Variants in NBAS observed in about 807,000 individuals in gnomAD.
NBAS encodes the protein NBAS subunit of NRZ tethering complex.
A neutral mutation model predicts 302.5 loss-of-function variants in NBAS; 219 were observed. The observed-to-expected ratio is 0.72, with a 90% confidence interval of 0.65 to 0.81. The LOEUF is 0.81. NBAS is among the 30% of genes least tolerant of loss of function. The pLI, the probability that NBAS is intolerant of heterozygous loss-of-function variation, is 0.00. For synonymous variants in NBAS, 1,118 were observed against 1,021.6 expected, an observed-to-expected ratio of 1.09 and a Z score of -1.80; for missense variants, 2,932 against 2,841.6, an observed-to-expected ratio of 1.03 and a Z score of -0.72.
Position 15,536,485 on chromosome 2 carries a change from T to G in NBAS, c.580A>C (p.Ser194Arg), listed in dbSNP as rs1273015830. The G allele has an allele frequency of 1.1e-5, 17 of 1,613,326 alleles. No individual in the cohort carries two copies. The highest frequency in any genetic ancestry group is 1.4e-5 in the Non-Finnish European group (17 of 1,179,668). Residue 194 changes from serine (S) to arginine (R), a missense_variant, in exon 8 of 52, where the codon AGT becomes CGT. Transcript: ENST00000281513. ...AGGAGTTCTGCAGACCACTGTGCAC[T>G]TGCTTTATATTCTAAAAATATCAAC... ...AGLIFLEYKA[S>R]AQWSAELLVI...
the NBAS span, among the ~76,000 whole-genome samples, chr2:15,146,986 G>C: frequency 6.6e-6 from 1 of 152,286 alleles, no homozygotes; most frequent in East Asian, 1.9e-4. Context: ...GGGTTGCTCT[G>C]TCTGTCCCTT....
chr2:14,874,562 T>C, the NBAS span, among the ~76,000 whole-genome samples: 3 of 147,732 alleles, frequency 2.0e-5, no homozygotes, highest in African/African-American at 2.5e-5. Context: ...ATGGCGTGAA[T>C]CCGGGAGGTG....
chr2:14,908,918 G>A, the NBAS span, among the ~76,000 whole-genome samples: 14 of 152,168 alleles, frequency 9.2e-5, no homozygotes, highest in Non-Finnish European at 1.9e-4. Context: ...GACCCCCTAG[G>A]GAATTGTAGA....
intron 19 of NBAS, among the ~76,000 whole-genome samples, chr2:15,464,032 G>A (rs938639300): frequency 2.6e-5 from 4 of 152,076 alleles, no homozygotes; most frequent in Admixed American, 1.3e-4. Flanking sequence ...CACAACTGGC[G>A]CATGCTGAAA....
chr2:15,105,703 A>G, the NBAS span, among the ~76,000 whole-genome samples: 1 of 152,142 alleles, frequency 6.6e-6, no homozygotes, highest in Non-Finnish European at 1.5e-5. Flanking sequence ...AGAGGTTCAG[A>G]GATTAATTAG....
the NBAS span, among the ~76,000 whole-genome samples, chr2:14,909,366 T>TGAAAAAAAAAAAAAAA: frequency 1.3e-5 from 1 of 78,582 alleles, no homozygotes; most frequent in Non-Finnish European, 2.4e-5. Flanking sequence ...GGAGAGTTTC[T>TGAAAAAAAAAAAAAAA]AAAAAAAAAA....
intron 48 of NBAS, among the ~76,000 whole-genome samples, chr2:15,203,884 GTGTGCT>G (rs1431229329): frequency 1.1e-4 from 13 of 117,278 alleles, no homozygotes; most frequent in African/African-American, 4.0e-4. Flanking sequence ...GTGTGTGTGT[GTGTGCT>G]TGTGTGTGTG....
the NBAS span, among the ~76,000 whole-genome samples, chr2:14,947,078 A>G: frequency 2.0e-5 from 3 of 152,138 alleles, no homozygotes; most frequent in African/African-American, 7.2e-5. Context: ...AAAGATTTCA[A>G]ATCAACAGCC....
At chr2:15,139,856 C>T in the NBAS span, among the ~76,000 whole-genome samples, 101 of 152,248 alleles carry the variant, frequency 6.6e-4, no homozygotes, top group Admixed American at 2.0e-3. Flanking sequence ...GTAGAGTGTA[C>T]AGTAGTTGGT....
At chr2:15,041,786 G>C in the NBAS span, among the ~76,000 whole-genome samples, 21 of 152,360 alleles carry the variant, frequency 1.4e-4, no homozygotes, top group Admixed American at 1.4e-3. Flanking sequence ...CATCTGCACT[G>C]TGAGAAACGT....
At chr2:14,784,332 T>A in the NBAS span, among the ~76,000 whole-genome samples, 1 of 152,330 alleles carries the variant, frequency 6.6e-6, no homozygotes, top group East Asian at 1.9e-4. Flanking sequence ...TTAGATCCCA[T>A]TTGTCAATCT....
chr2:15,219,807 GTCA>G (rs1666849054), intron 47 of NBAS, among the ~76,000 whole-genome samples: 1 of 140,452 alleles, frequency 7.1e-6, no homozygotes, highest in East Asian at 2.2e-4. Flanking sequence ...AACCGCCATT[GTCA>G]TCATGGCCCA....
chr2:14,913,890 A>T, the NBAS span, among the ~76,000 whole-genome samples: 1 of 152,182 alleles, frequency 6.6e-6, no homozygotes, highest in Non-Finnish European at 1.5e-5. Context: ...TCCTAGCCTT[A>T]TGGAAATAGC....
the NBAS span, among the ~76,000 whole-genome samples, chr2:15,132,490 C>T: frequency 6.6e-6 from 1 of 152,130 alleles, no homozygotes; most frequent in Non-Finnish European, 1.5e-5. Flanking sequence ...CTCTGTGTGA[C>T]ATTATAACAG....
chr2:15,199,981 T>C (rs1372647899), intron 48 of NBAS, among the ~76,000 whole-genome samples: 1 of 150,788 alleles, frequency 6.6e-6, no homozygotes, highest in African/African-American at 2.4e-5. Context: ...GGGCTCACTG[T>C]AGCCTGAACC....
intron 1 of NBAS, 88 bp downstream of exon 1, chr2:15,561,100 C>T: frequency 9.9e-7 from 1 of 1,011,462 alleles, no homozygotes; most frequent in Non-Finnish European, 1.5e-6. Flanking sequence ...CCACCCGTCT[C>T]CACTCCCCTA....
At chr2:15,050,055 T>C in the NBAS span, among the ~76,000 whole-genome samples, 5 of 152,142 alleles carry the variant, frequency 3.3e-5, no homozygotes, top group Non-Finnish European at 4.4e-5. Context: ...CTCAGACAAA[T>C]TCCGTTTCCT....
intron 6 of NBAS, among the ~76,000 whole-genome samples, chr2:15,540,647 T>C (rs1454261442): frequency 6.6e-6 from 1 of 152,118 alleles, no homozygotes; most frequent in Non-Finnish European, 1.5e-5. Flanking sequence ...CCACTTCCTC[T>C]GTCATATACC....
chr2:15,068,449 TG>T, the NBAS span, among the ~76,000 whole-genome samples: 1 of 152,212 alleles, frequency 6.6e-6, no homozygotes. Context: ...GAATCTCTAC[TG>T]AGGACTTTGT....
Sources: allele counts gnomAD v4.1 joint callset (sites outside exome capture counted in the v4.1 genomes callset), GRCh38; gene constraint gnomAD v4.1.1; transcripts MANE v1.5; gene names NCBI Gene and HGNC (gene_info 2026-07-23, HGNC 2026-07-21).